Variants in BCAS3 observed in about 807,000 individuals in gnomAD.
BCAS3 encodes the protein BCAS4/BCAS3 fusion.
BCAS3 carries 53 observed loss-of-function variants against 116.1 expected under a neutral mutation model. The observed-to-expected ratio is 0.46, with a 90% CI of 0.37 to 0.57. The LOEUF is 0.57. Among genes scored for constraint, BCAS3 ranks in the 20% least tolerant of loss-of-function variants. The pLI is 0.00. For missense variants in BCAS3, 917 were observed against 1,165.4 expected, an observed-to-expected ratio of 0.79 and a Z score of 3.10; for synonymous variants, 391 against 408.2, an observed-to-expected ratio of 0.96 and a Z score of 0.51.
chr17:61,230,511 G>T (rs1398031892), intron 22 of BCAS3, among the ~76,000 whole-genome samples: 1 of 151,960 alleles, frequency 6.6e-6, no homozygotes, highest in Non-Finnish European at 1.5e-5. Context: ...TATGCCCATG[G>T]GTGCTCAATG....
At chr17:61,125,722 T>C (rs1311064351) in intron 22 of BCAS3, among the ~76,000 whole-genome samples, 1 of 152,168 alleles carries the variant, frequency 6.6e-6, no homozygotes, top group Non-Finnish European at 1.5e-5. Flanking sequence ...TAGATACAGA[T>C]GTGGAAATCT....
At chr17:60,771,100 G>A (rs56876892) in intron 6 of BCAS3, among the ~76,000 whole-genome samples, 41,733 of 151,888 alleles carry the variant, frequency 0.27, 11,447 homozygotes, top group African/African-American at 0.71. Context: ...AAACCACCAC[G>A]CCCAGCCCCC....
At chr17:60,772,355 T>G (rs2044797366) in intron 6 of BCAS3, among the ~76,000 whole-genome samples, 1 of 152,038 alleles carries the variant, frequency 6.6e-6, no homozygotes, top group African/African-American at 2.4e-5. Flanking sequence ...AAATGTCTTC[T>G]TTTGAGAAGG....
At chr17:60,916,867 C>A (rs902650280) in intron 12 of BCAS3, among the ~76,000 whole-genome samples, 1 of 152,048 alleles carries the variant, frequency 6.6e-6, no homozygotes, top group Non-Finnish European at 1.5e-5. Flanking sequence ...AAAAGACTAC[C>A]TAATTTTCAA....
rs1390628459 is a variant in BCAS3, at chr17:61,196,372, A to G, written c.2425+111808A>G. 7.9e-5 allele frequency among the ~76,000 whole-genome samples: 12 copies of G among 152,222 alleles called. No individual in the cohort carries two copies. Among genetic ancestry groups the G allele is most frequent in the Admixed American group, 2.6e-4 (4 of 15,278 alleles). ...GCTGTTTGCATAGCGTGCTAACTCT[A>G]TCAGGGTCATTTCCAGTCTGTGGCC... On this transcript the variant is annotated intron_variant, in intron 22 of 23. Coordinates refer to ENST00000407086, the MANE Select transcript of BCAS3 (RefSeq NM_017679.5). This position sits in a 1 kb window ranked among gnomAD's most constrained non-coding sequence, Gnocchi z 4.7.
chr17:61,181,638 G>A lies in BCAS3; in HGVS notation c.2425+97074G>A, dbSNP rs1367004572. On this transcript the variant is annotated intron_variant, in intron 22 of 23. Coordinates refer to ENST00000407086, the MANE Select transcript of BCAS3 (RefSeq NM_017679.5). This position sits in a 1 kb window ranked among gnomAD's most constrained non-coding sequence, Gnocchi z 5.0. ...GAGAAAGCAGACAGTAATTGATGTA[G>A]TGAAGATATTTTGCTTCTGTTACTC... Among the ~76,000 whole-genome samples, 1 of 152,196 alleles carries A rather than the reference G, an allele frequency of 6.6e-6. No individual in the cohort carries two copies. The highest frequency in any genetic ancestry group is 1.5e-5 in the Non-Finnish European group (1 of 68,036).
At chr17:60,693,078 G>A (rs1293760130) in intron 4 of BCAS3, among the ~76,000 whole-genome samples, 1 of 151,802 alleles carries the variant, frequency 6.6e-6, no homozygotes, top group African/African-American at 2.4e-5. Context: ...GTTTCACCAT[G>A]TTGGCCAGGC....
intron 22 of BCAS3, among the ~76,000 whole-genome samples, chr17:61,252,112 T>C (rs561656094): frequency 6.6e-6 from 1 of 152,326 alleles, no homozygotes; most frequent in African/African-American, 2.4e-5. Context: ...GCTCCAAAAC[T>C]ATAAAACATT....
intron 5 of BCAS3, among the ~76,000 whole-genome samples, chr17:60,709,785 A>G (rs759871682): frequency 3.3e-5 from 5 of 152,252 alleles, no homozygotes; most frequent in South Asian, 2.1e-4. Flanking sequence ...TTTACATTGC[A>G]TAATATTGGT....
intron 9 of BCAS3, among the ~76,000 whole-genome samples, chr17:60,882,697 G>T (rs1191731251): frequency 1.4e-5 from 2 of 147,906 alleles, no homozygotes; most frequent in Non-Finnish European, 3.0e-5. Context: ...ATTAAATAGG[G>T]AATCCTTTCC....
At chr17:60,951,457 GACCCATTA>G (rs934305065) in intron 14 of BCAS3, among the ~76,000 whole-genome samples, 1 of 152,042 alleles carries the variant, frequency 6.6e-6, no homozygotes, top group Non-Finnish European at 1.5e-5. Flanking sequence ...AAAGTTACCT[GACCCATTA>G]ACCTCTGCAC....
chr17:61,076,602 GA>G (rs1182644837), intron 20 of BCAS3, among the ~76,000 whole-genome samples: 1 of 152,136 alleles, frequency 6.6e-6, no homozygotes, highest in Non-Finnish European at 1.5e-5. Context: ...TTTTCAATTA[GA>G]AAAAGGGGTA....
chr17:61,179,421 A>G (rs961599554), intron 22 of BCAS3, among the ~76,000 whole-genome samples: 2 of 152,114 alleles, frequency 1.3e-5, no homozygotes, highest in Admixed American at 6.5e-5. Context: ...GCCTGACTAT[A>G]TTGGACACCA....
At chr17:60,902,755 A>C in intron 11 of BCAS3, 52 bp downstream of exon 11, 1 of 1,333,056 alleles carries the variant, frequency 7.5e-7, no homozygotes. Flanking sequence ...GTAATTGTTC[A>C]GATTTCTCTC....
intron 14 of BCAS3, among the ~76,000 whole-genome samples, chr17:60,977,544 C>G (rs2062487842): frequency 6.6e-6 from 1 of 151,236 alleles, no homozygotes; most frequent in African/African-American, 2.4e-5. Flanking sequence ...GGTACATGTG[C>G]ACAATGTGCA....
chr17:61,036,569 C>G (rs2067051818), intron 17 of BCAS3, among the ~76,000 whole-genome samples: 1 of 152,104 alleles, frequency 6.6e-6, no homozygotes, highest in African/African-American at 2.4e-5. Context: ...TTTTAACTTT[C>G]TACTCCTTTA....
intron 22 of BCAS3, among the ~76,000 whole-genome samples, chr17:61,119,978 G>A (rs1425260567): frequency 6.6e-6 from 1 of 151,992 alleles, no homozygotes; most frequent in Non-Finnish European, 1.5e-5. Context: ...ATTCTACAGA[G>A]TGATTAAAAA....
At chr17:61,345,237 G>A (rs1047416666) in intron 22 of BCAS3, among the ~76,000 whole-genome samples, 5 of 152,254 alleles carry the variant, frequency 3.3e-5, no homozygotes, top group African/African-American at 1.2e-4. Context: ...GCTCTCATCA[G>A]AGGAGACTCC....
intron 22 of BCAS3, among the ~76,000 whole-genome samples, chr17:61,271,282 C>T (rs1269578591): frequency 6.7e-6 from 1 of 150,090 alleles, no homozygotes; most frequent in Non-Finnish European, 1.5e-5. Context: ...CGCATGCCAC[C>T]ACGCCCGACT....
Sources: gnomAD v4.1 joint callset for allele counts (sites outside exome capture counted in the v4.1 genomes callset) on GRCh38, gnomAD v4.1.1 for gene constraint, Gnocchi (gnomAD v3.1) non-coding constraint, MANE v1.5 for transcripts, NCBI Gene and HGNC (gene_info 2026-07-23, HGNC 2026-07-21) for gene names.